The following PHF24 variants were observed in gnomAD, a reference collection of about 807,000 sequenced individuals.
The protein encoded by PHF24 is PHD finger protein 24.
In PHF24, 25 loss-of-function variants were observed where a neutral mutation model predicts 42.6. The ratio of observed to expected loss-of-function variants is 0.59; its 90% CI spans 0.43 to 0.82. The LOEUF (loss-of-function observed/expected upper bound fraction) is 0.82, where lower values mean the gene tolerates loss of function less well. Among genes scored for constraint, PHF24 ranks in the 40% least tolerant of loss-of-function variants. PHF24 has a pLI of 0.00. For synonymous variants in PHF24, 185 were observed against 204.8 expected (o/e 0.90, Z 0.83); for missense variants, 470 against 538.1 (o/e 0.87, Z 1.25).
At chr9:34,739,185 T>C in the PHF24 span, among the ~76,000 whole-genome samples, 1 of 152,218 alleles carries the variant, frequency 6.6e-6, no homozygotes, top group Non-Finnish European at 1.5e-5. Flanking sequence ...ACTTTATTCA[T>C]AGTAAGAAAG....
the PHF24 span, among the ~76,000 whole-genome samples, chr9:34,739,554 T>C: frequency 6.6e-5 from 10 of 152,154 alleles, no homozygotes; most frequent in Non-Finnish European, 1.3e-4. Flanking sequence ...TTACAGCTCT[T>C]AAGGTGGCGC....
chr9:34,928,008 TA>T, the PHF24 span, among the ~76,000 whole-genome samples: 1 of 152,038 alleles, frequency 6.6e-6, no homozygotes, highest in Non-Finnish European at 1.5e-5. Context: ...TAATAAGATC[TA>T]CCTTTGGACC....
At chr9:34,769,119 T>C in the PHF24 span, among the ~76,000 whole-genome samples, 1 of 152,144 alleles carries the variant, frequency 6.6e-6, no homozygotes, top group Non-Finnish European at 1.5e-5. Flanking sequence ...AATATATAAA[T>C]GCAATCCTTT....
At chr9:34,774,208 A>G in the PHF24 span, among the ~76,000 whole-genome samples, 1 of 152,224 alleles carries the variant, frequency 6.6e-6, no homozygotes, top group East Asian at 1.9e-4. Flanking sequence ...CTATGACACC[A>G]AAAGCACAGA....
At chr9:34,733,503 CTTT>C in the PHF24 span, among the ~76,000 whole-genome samples, 1 of 140,288 alleles carries the variant, frequency 7.1e-6, no homozygotes, top group Non-Finnish European at 1.6e-5. Context: ...TTCTGTGGGT[CTTT>C]TTTTTTTTTT....
the PHF24 span, among the ~76,000 whole-genome samples, chr9:34,743,832 T>C: frequency 6.6e-5 from 10 of 152,176 alleles, no homozygotes; most frequent in Non-Finnish European, 1.3e-4. Flanking sequence ...TGAACAGAGA[T>C]TTATTCAGTT....
the PHF24 span, among the ~76,000 whole-genome samples, chr9:34,828,577 A>G: frequency 8.6e-5 from 13 of 151,850 alleles, no homozygotes; most frequent in African/African-American, 2.7e-4. Context: ...TCTTGAATCC[A>G]CTCCCATCAC....
chr9:34,865,196 G>GT, the PHF24 span, among the ~76,000 whole-genome samples: 72,469 of 143,894 alleles, frequency 0.5, 19,518 homozygotes, highest in Non-Finnish European at 0.61. Flanking sequence ...GTTTTTATTA[G>GT]TTTTTTTTTT....
chr9:34,803,729 C>T, the PHF24 span, among the ~76,000 whole-genome samples: 1 of 152,154 alleles, frequency 6.6e-6, no homozygotes. Flanking sequence ...ATGTTTTACA[C>T]TCTTCCTATG....
the PHF24 span, chr9:34,666,169 C>A: frequency 5.8e-6 from 1 of 173,306 alleles, no homozygotes; most frequent in Non-Finnish European, 1.3e-5. Context: ...CGGGGTGAGG[C>A]CAGGGGCGGG....
chr9:34,976,100 G>A (rs1480866966), intron 3 of PHF24, 52 bp from the exon 4 acceptor site: 5 of 1,278,686 alleles, frequency 3.9e-6, no homozygotes, highest in Non-Finnish European at 5.7e-6. Flanking sequence ...CTTGACCCTG[G>A]CCTTTCTTAC....
At chr9:34,956,994 C>T (rs1042004991), upstream of PHF24, among the ~76,000 whole-genome samples, 1 of 152,152 alleles carries the variant, frequency 6.6e-6, no homozygotes, top group African/African-American at 2.4e-5. Context: ...TGACCTTGGG[C>T]GAGTTGTTTA....
intron 3 of PHF24, 59 bp downstream of exon 3, chr9:34,972,590 T>C (rs1827036323): frequency 6.7e-7 from 1 of 1,485,890 alleles, no homozygotes; most frequent in Non-Finnish European, 9.1e-7. Context: ...GGCCCGGTCT[T>C]AGAACACTTG....
chr9:34,690,327 C>T, the PHF24 span: 1 of 1,613,702 alleles, frequency 6.2e-7, no homozygotes, highest in Non-Finnish European at 8.5e-7. Context: ...ATCATTGGTG[C>T]CACTCAGAGT....
chr9:34,833,332 G>A, the PHF24 span: 5 of 1,551,298 alleles, frequency 3.2e-6, no homozygotes, highest in Non-Finnish European at 4.4e-6. Context: ...TGGAGACCGA[G>A]TGGGCAGAAC....
the PHF24 span, chr9:34,691,040 C>A: frequency 6.7e-7 from 1 of 1,485,064 alleles, no homozygotes. Context: ...TAGACATTAC[C>A]CACTGCCAGC....
At chr9:34,754,040 T>C in the PHF24 span, among the ~76,000 whole-genome samples, 2 of 152,014 alleles carry the variant, frequency 1.3e-5, no homozygotes, top group Non-Finnish European at 2.9e-5. Context: ...GACTTAAATA[T>C]AAGACGTCAA....
At chr9:34,706,132 A>G in the PHF24 span, among the ~76,000 whole-genome samples, 271 of 152,326 alleles carry the variant, frequency 1.8e-3, 2 homozygotes, top group African/African-American at 5.6e-3. Flanking sequence ...TGCAGAGAAC[A>G]TTTATATAGT....
the PHF24 span, among the ~76,000 whole-genome samples, chr9:34,861,617 AATG>A: frequency 1.6e-3 from 249 of 152,328 alleles, 1 homozygote; most frequent in Middle Eastern, 3.4e-3. Context: ...ACAAATAAAT[AATG>A]ATAATAATGT....
Sources: gnomAD v4.1 joint callset for allele counts (sites outside exome capture counted in the v4.1 genomes callset) on GRCh38, gnomAD v4.1.1 for gene constraint, MANE v1.5 for transcripts, NCBI Gene and HGNC (gene_info 2026-07-23, HGNC 2026-07-21) for gene names.